The following TVP23B variants were observed in gnomAD, a reference collection of about 807,000 sequenced individuals.
TVP23B encodes the protein Golgi apparatus membrane protein TVP23 homolog B.
Under a neutral mutation model 30.6 loss-of-function variants are expected in TVP23B, and 10 were observed. The observed-to-expected ratio is 0.33, with a 90% confidence interval of 0.20 to 0.55. The LOEUF (loss-of-function observed/expected upper bound fraction) is 0.55, where lower values mean the gene tolerates loss of function less well. Among genes scored for constraint, TVP23B ranks in the 20% least tolerant of loss-of-function variants. The pLI, the probability that TVP23B is intolerant of heterozygous loss-of-function variation, is 0.91. For synonymous variants in TVP23B, 67 were observed against 83.1 expected, an observed-to-expected ratio of 0.81 and a Z score of 1.06; for missense variants, 153 against 243.2, an observed-to-expected ratio of 0.63 and a Z score of 2.47.
At chr17:18,800,164 T>C (rs1306660864) in intron 5 of TVP23B, among the ~76,000 whole-genome samples, 1 of 151,790 alleles carries the variant, frequency 6.6e-6, no homozygotes, top group Non-Finnish European at 1.5e-5. Context: ...GTTTTCTTTG[T>C]AACATTAATT....
chr17:18,783,588 G>A (rs1319365756), intron 1 of TVP23B, among the ~76,000 whole-genome samples: 1 of 152,166 alleles, frequency 6.6e-6, no homozygotes, highest in Non-Finnish European at 1.5e-5. Flanking sequence ...TTGTTTCACT[G>A]AAAATGGAAG....
chr17:18,802,582 G>A (rs1024630313), intron 5 of TVP23B, among the ~76,000 whole-genome samples: 2 of 151,882 alleles, frequency 1.3e-5, no homozygotes, highest in African/African-American at 4.8e-5. Flanking sequence ...GCTATGTAGA[G>A]CTGCTCCAAC....
chr17:18,790,466 AAAAAAAAAAAAAAG>A (rs1420231489), intron 2 of TVP23B, among the ~76,000 whole-genome samples: 1 of 112,616 alleles, frequency 8.9e-6, no homozygotes, highest in African/African-American at 3.2e-5. Context: ...TCCGTCTCAA[AAAAAAAAAAAAAAG>A]AAAAGAAAGA....
rs568860694 is a variant in TVP23B, at chr17:18,783,035, G to A, written c.12+1730G>A. On this transcript the variant is annotated intron_variant, in intron 1 of 6. Transcript: ENST00000307767. ...TGACATTTGAACCTGCGCCCAGGCC[G>A]GATGAGGCTGGAGAAACACAACAAT... is the stretch of plus-strand genomic sequence containing the variant. 1.4e-3 allele frequency among the ~76,000 whole-genome samples: 201 copies of A among 140,382 alleles called. 1 individual carries two copies. Among genetic ancestry groups the A allele is most frequent in the African/African-American group, 5.0e-3 (189 of 38,172 alleles). 92.1% of individuals were successfully genotyped at this position (140,382 alleles called of 152,430 possible).
In TVP23B at chr17:18,806,277, A is replaced by G. The variant is rs2036249606; in HGVS notation, c.*710A>G. 4 of 970,878 alleles carry G rather than the reference A, an allele frequency of 4.1e-6. No individual in the cohort carries two copies. Among genetic ancestry groups the G allele is most frequent in the Non-Finnish European group, 3.7e-6 (3 of 816,674 alleles). The allele number at this position is 970,878 out of a possible 1,614,324, so 60.1% of individuals were successfully genotyped here. ...TTTTACAGAAAGGATAGCTAGATTG[A>G]AAGCTCTTCAGTGGACCTTGAGCTA... On this transcript the variant is annotated 3_prime_UTR_variant, in exon 7 of 7. Transcript: ENST00000307767.
rs1303518404 is a variant in TVP23B at position 18,804,189 on chromosome 17, A to T, written c.514A>T (p.Ile172Phe). The T allele has an allele frequency of 6.2e-7, 1 of 1,613,266 alleles. No individual in the cohort carries two copies. Among genetic ancestry groups the T allele is most frequent in the East Asian group, 2.2e-5 (1 of 44,882 alleles). Reference protein sequence around the residue: ...VLQGANLYGYIRCKVRSRKHL... With the variant: ...VLQGANLYGYFRCKVRSRKHL... ...ACAAGGTGCCAACCTGTATGGTTAC[A>T]TCAGGTGTAAGGTGCGCAGCAGAAA... is the stretch of plus-strand genomic sequence containing the variant. The change falls in exon 6 of 7, where the codon ATC becomes TTC. Residue 172 changes from isoleucine (I) to phenylalanine (F), a missense_variant. By Grantham distance (21) the Ile-to-Phe change is conservative (BLOSUM62 0). Around this residue, in one of 3 missense-constraint regions of TVP23B, gnomAD observed 62 missense variants for 74.3 expected, o/e 0.83. Transcript: ENST00000307767.
At position 18,797,045 on chromosome 17, in the gene TVP23B, G is replaced by A. The variant is rs1333179514; in HGVS notation, c.241-534G>A. ...CTGAGGAAGGAGTTGGTATCTGTTA[G>A]TCACTGTTGTATTACCAGCACATAG... is the stretch of plus-strand genomic sequence containing the variant. On this transcript the variant is annotated intron_variant, in intron 3 of 6. Coordinates refer to ENST00000307767, the MANE Select transcript of TVP23B (RefSeq NM_016078.6). The A allele has an allele frequency of 1.9e-5, 3 of 157,804 alleles. 1 individual carries two copies. The highest frequency in any genetic ancestry group is 1.8e-4 in the Admixed American group (3 of 16,854). 9.8% of individuals were successfully genotyped at this position (157,804 alleles called of 1,614,324 possible).
chr17:18,801,533 T>G (rs1469776842), intron 5 of TVP23B, among the ~76,000 whole-genome samples: 3 of 152,174 alleles, frequency 2.0e-5, no homozygotes, highest in Non-Finnish European at 4.4e-5. Flanking sequence ...AGGTGTGATG[T>G]GCGATGTGGA....
In TVP23B at chr17:18,805,692, T is replaced by C. The variant is rs1173523914; in HGVS notation, c.*125T>C. 3.5e-6 allele frequency: 5 copies of C among 1,431,728 alleles called. No homozygotes were observed. Among genetic ancestry groups the C allele is most frequent in the Non-Finnish European group, 4.6e-6 (5 of 1,094,382 alleles). The allele number at this position is 1,431,728 out of a possible 1,614,324, so 88.7% of individuals were successfully genotyped here. A position where few individuals can be genotyped will look rare whatever the true frequency, so the allele number is the denominator to read the frequency against. On this transcript the variant is annotated 3_prime_UTR_variant, in exon 7 of 7. Coordinates refer to ENST00000307767, the MANE Select transcript of TVP23B (RefSeq NM_016078.6). ...GCTTTGTTTTTCCACTTAAAAACTTTATTTATAAAAAGGAAAAGTAGTTTT... is the reference window on the plus strand; with the variant it reads ...GCTTTGTTTTTCCACTTAAAAACTTCATTTATAAAAAGGAAAAGTAGTTTT...
At chr17:18,805,190 G>A (rs143151197) in intron 6 of TVP23B, among the ~76,000 whole-genome samples, 223 of 146,984 alleles carry the variant, frequency 1.5e-3, no homozygotes, top group Middle Eastern at 3.6e-3. Context: ...CCGGGTTCAC[G>A]CCATTCTTCT....
intron 3 of TVP23B, among the ~76,000 whole-genome samples, chr17:18,792,256 G>A (rs1171057858): frequency 1.3e-5 from 2 of 152,046 alleles, no homozygotes; most frequent in Non-Finnish European, 2.9e-5. Flanking sequence ...GGCTGGTCTC[G>A]AACTTCTGAC....
chr17:18,790,039 G>A (rs56156915), intron 2 of TVP23B, among the ~76,000 whole-genome samples: 70,756 of 151,972 alleles, frequency 0.47, 16,734 homozygotes, highest in Non-Finnish European at 0.5. Context: ...GATTCTGTCT[G>A]GGGTAATGAA....
At chr17:18,783,097 A>ATTTATTTATTTC (rs2035834669) in intron 1 of TVP23B, among the ~76,000 whole-genome samples, 1 of 117,856 alleles carries the variant, frequency 8.5e-6, no homozygotes, top group Non-Finnish European at 1.9e-5. Context: ...TTATTGATTG[A>ATTTATTTATTTC]TTGATTGATT....
intron 1 of TVP23B, among the ~76,000 whole-genome samples, chr17:18,788,761 G>T (rs2035948948): frequency 6.6e-6 from 1 of 152,190 alleles, no homozygotes; most frequent in Non-Finnish European, 1.5e-5. Flanking sequence ...CAGCCTGGGT[G>T]ATGAGCAAAA....
chr17:18,783,076 T>TATTC (rs1242585508), intron 1 of TVP23B, among the ~76,000 whole-genome samples: 1 of 41,412 alleles, frequency 2.4e-5, no homozygotes, highest in Non-Finnish European at 4.9e-5. Flanking sequence ...CTGTTCCCAC[T>TATTC]ATTTATTTAT....
intron 3 of TVP23B, chr17:18,797,004 C>T (rs886799902): frequency 7.7e-5 from 12 of 155,586 alleles, no homozygotes; most frequent in Admixed American, 6.8e-4. Context: ...TTGTCTGCCT[C>T]TCTTCACCTC....
chr17:18,796,096 G>A (rs1195827270), intron 3 of TVP23B: 1 of 150,428 alleles, frequency 6.6e-6, no homozygotes, highest in Non-Finnish European at 1.5e-5. Context: ...TAAACAATAT[G>A]TTAAGATAAC....
At chr17:18,801,503 GT>G (rs1387889511) in intron 5 of TVP23B, among the ~76,000 whole-genome samples, 1 of 152,220 alleles carries the variant, frequency 6.6e-6, no homozygotes, top group Admixed American at 6.5e-5. Context: ...GCAGTGCTGG[GT>G]TTGGTGGCCT....
chr17:18,790,274 C>G (rs553612188), intron 2 of TVP23B, among the ~76,000 whole-genome samples: 1 of 151,904 alleles, frequency 6.6e-6, no homozygotes, highest in African/African-American at 2.4e-5. Flanking sequence ...ATCATCCTGG[C>G]TAACATGGTG....
Sources: allele counts gnomAD v4.1 joint callset (sites outside exome capture counted in the v4.1 genomes callset), GRCh38; gene constraint gnomAD v4.1.1; regional missense constraint gnomAD v4.1.1; transcripts MANE v1.5; gene names NCBI Gene and HGNC (gene_info 2026-07-23, HGNC 2026-07-21).